SEMA3G: variants seen among roughly 807,000 people sequenced by gnomAD.
SEMA3G encodes the protein semaphorin 3G.
SEMA3G carries 70 observed loss-of-function variants against 86.2 expected under a neutral mutation model. The ratio of observed to expected loss-of-function variants is 0.81; its 90% confidence interval spans 0.67 to 0.99. The LOEUF is 0.99. Ranked by LOEUF, SEMA3G falls within the 50% of genes least tolerant of loss-of-function variation. The pLI, the probability that SEMA3G is intolerant of heterozygous loss-of-function variation, is 0.00. For synonymous variants in SEMA3G, 416 were observed against 441.4 expected (o/e 0.94, Z 0.72); for missense variants, 1,002 against 1,072.4 (o/e 0.93, Z 0.92).
At position 52,442,881 on chromosome 3, in the gene SEMA3G, T is replaced by C. The variant is rs1483599058; in HGVS notation, c.142A>G (p.Ile48Val). Residue 48 changes from isoleucine to valine, a missense_variant, in exon 2 of 16, where the codon ATC (isoleucine) becomes GTC (valine). Coordinates refer to ENST00000231721, the MANE Select transcript of SEMA3G (RefSeq NM_020163.3). This position sits in a 1 kb window ranked among gnomAD's most constrained non-coding sequence, Gnocchi z 6.1. ...RDLLSANRSAIFLGPQGSLNL... is the reference protein window; with the variant it reads ...RDLLSANRSAVFLGPQGSLNL... ...AGGGAGCCCTGGGGGCCCAGAAAGATGGCAGAGCGGTTGGCAGACAGGAGG... is the reference window on the plus strand; with the variant it reads ...AGGGAGCCCTGGGGGCCCAGAAAGACGGCAGAGCGGTTGGCAGACAGGAGG... The C allele has an allele frequency of 6.2e-7, 1 of 1,605,296 alleles. No individual in the cohort carries two copies. The highest frequency in any genetic ancestry group is 8.5e-7 in the Non-Finnish European group (1 of 1,176,054).
At chr3:52,440,558 C>A in intron 9 of SEMA3G, 37 bp from the exon 10 acceptor site, 1 of 1,587,240 alleles carries the variant, frequency 6.3e-7, no homozygotes, top group African/African-American at 1.3e-5. Flanking sequence ...CCAGAGTGGC[C>A]ATCAAGGACA....
rs1706010382 is a variant in SEMA3G, at chr3:52,434,732, C to T, written c.*871G>A. The T allele has an allele frequency of 6.6e-6, 1 of 152,240 alleles. No individual in the cohort carries two copies. Among genetic ancestry groups the T allele is most frequent in the Non-Finnish European group, 1.5e-5 (1 of 68,070 alleles). The allele number at this position is 152,240 out of a possible 1,614,324, so 9.4% of individuals were successfully genotyped here. A position where few individuals can be genotyped will look rare whatever the true frequency, so the allele number is the denominator to read the frequency against. ...CCCGCCTGCACCCTTCCCCAGCTCC[C>T]CCACCCTATCTCTAGTCCACAGACA... On this transcript the variant is annotated 3_prime_UTR_variant, in exon 16 of 16. Coordinates refer to ENST00000231721, the MANE Select transcript of SEMA3G (RefSeq NM_020163.3). This position sits in a 1 kb window ranked among gnomAD's most constrained non-coding sequence, Gnocchi z 5.2.
chr3:52,440,300 A>C (rs1399855264), intron 10 of SEMA3G, 77 bp downstream of exon 10: 2 of 1,418,480 alleles, frequency 1.4e-6, no homozygotes, highest in Non-Finnish European at 1.9e-6. Context: ...GCATGGGGAC[A>C]TGAGGCCACT....
chr3:52,438,237 G>C, intron 13 of SEMA3G, 38 bp from the exon 14 acceptor site: 1 of 1,572,038 alleles, frequency 6.4e-7, no homozygotes, highest in Non-Finnish European at 8.7e-7. Context: ...GGTGAGCCCA[G>C]GCTTCGCCCA....
In SEMA3G at chr3:52,435,973, T is replaced by C; in HGVS notation, c.1979A>G (p.His660Arg). Residue 660 changes from histidine to arginine, a missense_variant, in exon 16 of 16, where the codon CAT becomes CGT. His to Arg is a conservative substitution (Grantham distance 29). Coordinates refer to ENST00000231721, the MANE Select transcript of SEMA3G (RefSeq NM_020163.3). ...AGTYTCTTLEHGFSQTVVRLA... is the reference protein window; with the variant it reads ...AGTYTCTTLERGFSQTVVRLA... ...GCGGACCACAGTCTGGGAGAAGCCA[T>C]GCTCCAGAGTGGTGCAGGTGTAGGT... 1 of 1,613,972 alleles carries C rather than the reference T, an allele frequency of 6.2e-7. No homozygotes were observed. The highest frequency in any genetic ancestry group is 1.1e-5 in the South Asian group (1 of 91,084).
chr3:52,437,926 G>A (rs82825), intron 14 of SEMA3G, 45 bp downstream of exon 14: 1,275,161 of 1,541,408 alleles, frequency 0.83, 529,059 homozygotes, highest in East Asian at 0.98. Flanking sequence ...GGCCACAGGG[G>A]TGAGTTCCAG....
intron 1 of SEMA3G, 86 bp downstream of exon 1, chr3:52,444,827 A>G: frequency 1.0e-6 from 1 of 991,906 alleles, no homozygotes; most frequent in Non-Finnish European, 1.3e-6. Context: ...GGGCACATGC[A>G]CACAAACACG....
At chr3:52,438,596 G>A (rs777972231) in intron 13 of SEMA3G, 35 of 985,362 alleles carry the variant, frequency 3.6e-5, no homozygotes, top group Admixed American at 6.1e-5. Context: ...ATGGGGAGAC[G>A]GGTTTTGCCA....
chr3:52,436,926 T>C (rs1250595867), intron 15 of SEMA3G, among the ~76,000 whole-genome samples: 1 of 152,002 alleles, frequency 6.6e-6, no homozygotes, highest in African/African-American at 2.4e-5. Context: ...CCCCTCCCCT[T>C]CCCTGCCCCG....
Position 52,438,925 on chromosome 3 carries a change from T to G in SEMA3G, c.1504A>C (p.Lys502Gln), listed in dbSNP as rs1246901383. The G allele has an allele frequency of 6.2e-7, 1 of 1,613,508 alleles. No homozygotes were observed. The highest frequency in any genetic ancestry group is 8.5e-7 in the Non-Finnish European group (1 of 1,179,644). Residue 502 changes from lysine (K) to glutamine (Q), a missense_variant, in exon 13 of 16, where the codon AAA becomes CAA. Lys to Gln is a moderately conservative substitution (Grantham distance 53, BLOSUM62 1). Coordinates refer to ENST00000231721, the MANE Select transcript of SEMA3G (RefSeq NM_020163.3). ...TPITEMEISV[K>Q]RQMLYVGSRL... ...AGGGTGGCAGCTGTTCTTACCCTTTTGACAGAGATCTCCATTTCGGTGATA... is the reference window on the plus strand; with the variant it reads ...AGGGTGGCAGCTGTTCTTACCCTTTGGACAGAGATCTCCATTTCGGTGATA...
intron 1 of SEMA3G, among the ~76,000 whole-genome samples, chr3:52,444,665 C>T (rs1706227195): frequency 1.3e-5 from 2 of 148,286 alleles, no homozygotes; most frequent in Non-Finnish European, 1.5e-5. Flanking sequence ...GGCACACGCA[C>T]ACAAACACGG....
chr3:52,436,039 C>CG lies in SEMA3G; in HGVS notation c.1912dup (p.Arg638ProfsTer9). ...GCTAAGCCTGCGGAACAGCAGCCCC[C>CG]GCTCCGTGTGCAAGACTCGCTCGTC... On this transcript the variant is annotated frameshift_variant, in exon 16 of 16. Transcript: ENST00000231721. LOFTEE classifies it low-confidence loss of function (END_TRUNC). 6.2e-7 allele frequency: 1 copy of CG among 1,612,664 alleles called. No individual in the cohort carries two copies. The highest frequency in any genetic ancestry group is 8.5e-7 in the Non-Finnish European group (1 of 1,179,494).
chr3:52,437,378 G>A, intron 15 of SEMA3G, 149 bp downstream of exon 15: 1 of 788,804 alleles, frequency 1.3e-6, no homozygotes, highest in East Asian at 2.6e-5. Flanking sequence ...CCTCCTTCTA[G>A]GCACCCCAGG....
chr3:52,445,024 C>T lies in SEMA3G; in HGVS notation c.4G>A (p.Ala2Thr). The T allele has an allele frequency of 7.8e-7, 1 of 1,277,220 alleles. No homozygotes were observed. The highest frequency in any genetic ancestry group is 9.9e-7 in the Non-Finnish European group (1 of 1,006,000). 79.1% of individuals were successfully genotyped at this position (1,277,220 alleles called of 1,614,324 possible). A position where few individuals can be genotyped will look rare whatever the true frequency, so the allele number is the denominator to read the frequency against. Residue 2 changes from alanine (A) to threonine (T), a missense_variant, in exon 1 of 16, where the codon GCC becomes ACC. Physicochemically the swap from Ala to Thr is moderately conservative, Grantham distance 58. Transcript: ENST00000231721. M[A>T]PSAWAICWLL... is the part of the protein sequence containing the mutation. Reference sequence around the variant, plus strand: ...CAGCAAATGGCCCAGGCCGAGGGGGCCATGCTGGGGAACTGAGGGCACCGC... The same window carrying T: ...CAGCAAATGGCCCAGGCCGAGGGGGTCATGCTGGGGAACTGAGGGCACCGC...
intron 13 of SEMA3G, chr3:52,438,433 G>A: frequency 2.0e-6 from 2 of 985,406 alleles, no homozygotes; most frequent in South Asian, 4.7e-5. Flanking sequence ...TTTCTCTAAG[G>A]GGCTTCTCCA....
intron 13 of SEMA3G, 185 bp downstream of exon 13, chr3:52,438,735 C>T (rs532713866): frequency 2.0e-6 from 2 of 985,498 alleles, no homozygotes; most frequent in African/African-American, 3.5e-5. Flanking sequence ...CTGGACATGG[C>T]CCCACTTACT....
rs1706166102 is a variant in SEMA3G, at chr3:52,441,897, G to A, written c.472C>T (p.Leu158=). 2.5e-6 allele frequency: 4 copies of A among 1,573,248 alleles called. No individual in the cohort carries two copies. The highest frequency in any genetic ancestry group is 1.3e-5 in the African/African-American group (1 of 74,488). ...CCACTTTCCACACTGCCAGGCTCCA[G>A]GTGGAGCACATGCTAGTGGGAGGGA... ...VGHRGEHVLH[L]EPGSVESGRG... is the part of the protein sequence containing the mutation. Residue 158 remains leucine (L), a synonymous_variant, in exon 5 of 16, where the codon CTG becomes TTG. Transcript: ENST00000231721.
rs1482776483 is a variant in SEMA3G at position 52,442,889 on chromosome 3, C to A, written c.134G>T (p.Arg45Leu). 2 of 1,601,372 alleles carry A rather than the reference C, an allele frequency of 1.2e-6. No homozygotes were observed. The highest frequency in any genetic ancestry group is 1.7e-6 in the Non-Finnish European group (2 of 1,174,062). ...CTGGGGGCCCAGAAAGATGGCAGAG[C>A]GGTTGGCAGACAGGAGGTCTAGGAG... ...LSYRDLLSAN[R>L]SAIFLGPQGS... The change falls in exon 2 of 16, where the codon CGC becomes CTC. Residue 45 changes from arginine (R) to leucine (L), a missense_variant. Coordinates refer to ENST00000231721, the MANE Select transcript of SEMA3G (RefSeq NM_020163.3). The surrounding 1 kb of genome is among the most constrained non-coding windows in gnomAD (Gnocchi z 6.1).
rs753027060 is a variant in SEMA3G at position 52,439,853 on chromosome 3, C to A, written c.1375+14G>T. 1.9e-6 allele frequency: 3 copies of A among 1,612,136 alleles called. No individual in the cohort carries two copies. The highest frequency in any genetic ancestry group is 3.3e-5 in the Admixed American group (2 of 59,962). On this transcript the variant is annotated intron_variant, in intron 11 of 15. Transcript: ENST00000231721. ...CCCCTCTCCAGCCTGGCCACCCTGG[C>A]TCAGCTGTCCTACCAGTCCCCAGGA...
Sources: gnomAD v4.1 joint callset for allele counts (sites outside exome capture counted in the v4.1 genomes callset) on GRCh38, gnomAD v4.1.1 for gene constraint, Gnocchi (gnomAD v3.1) non-coding constraint, MANE v1.5 for transcripts, NCBI Gene and HGNC (gene_info 2026-07-23, HGNC 2026-07-21) for gene names.